The following HERC1 variants were observed in gnomAD, a reference collection of about 807,000 sequenced individuals.
The protein encoded by HERC1 is probable E3 ubiquitin-protein ligase HERC1.
In HERC1, 160 loss-of-function variants were observed where a neutral mutation model predicts 554.3. That is an observed-to-expected ratio of 0.29 (90% CI 0.25 to 0.33). The LOEUF is 0.33. Ranked by LOEUF, HERC1 falls within the 10% of genes least tolerant of loss-of-function variation. The pLI, the probability that HERC1 is intolerant of heterozygous loss-of-function variation, is 1.00. For missense variants in HERC1, 4,919 were observed against 5,918.5 expected (o/e 0.83, Z 5.54); for synonymous variants, 2,175 against 2,131.7 (o/e 1.02, Z -0.56).
At chr15:63,707,928 C>CAAAAAAAAAAAAA (rs71131176) in intron 24 of HERC1, among the ~76,000 whole-genome samples, 16 of 55,160 alleles carry the variant, frequency 2.9e-4, no homozygotes, top group African/African-American at 8.8e-4. Context: ...GACTCCCTCT[C>CAAAAAAAAAAAAA]AAAAAAAAAA....
Position 63,692,626 on chromosome 15 carries a change from C to T in HERC1, c.5675-60G>A. ...GAGCCAACAAGAAATAGTCTTATAT[C>T]ACATAATTTACCTTGAAACTGCAGT... On this transcript the variant is annotated intron_variant, in intron 30 of 77. Transcript: ENST00000443617. The surrounding 1 kb of genome is among the most constrained non-coding windows in gnomAD (Gnocchi z 4.7). 7.1e-7 allele frequency: 1 copy of T among 1,409,576 alleles called. No homozygotes were observed. Among genetic ancestry groups the T allele is most frequent in the Non-Finnish European group, 9.5e-7 (1 of 1,053,298 alleles). 87.3% of individuals were successfully genotyped at this position (1,409,576 alleles called of 1,614,324 possible). A position where few individuals can be genotyped will look rare whatever the true frequency, so the allele number is the denominator to read the frequency against.
chr15:63,622,496 CT>C (rs1212702125), intron 74 of HERC1, among the ~76,000 whole-genome samples: 1 of 152,028 alleles, frequency 6.6e-6, no homozygotes, highest in Non-Finnish European at 1.5e-5. Flanking sequence ...CCATGACCGG[CT>C]AATTTTTGCA....
chr15:63,729,277 T>G lies in HERC1; in HGVS notation c.3113A>C (p.Lys1038Thr), dbSNP rs61740450. 0.024 allele frequency: 38,061 copies of G among 1,607,928 alleles called. 537 individuals carry two copies. The highest frequency in any genetic ancestry group is 0.027 in the Non-Finnish European group (31,515 of 1,178,156). The change falls in exon 16 of 78, where the codon AAA (lysine) becomes ACA (threonine). Residue 1038 changes from lysine (K) to threonine (T), a missense_variant. Transcript: ENST00000443617. ...AACACTGCCATTCCAAGGACTTTCT[T>G]TGAGCAAATTTGCAGAACGTGAATA... ...DIYSRSANLL[K>T]ESPWNGSVGE... is the part of the protein sequence containing the mutation.
At position 63,659,844 on chromosome 15, in the gene HERC1, G is replaced by A. The variant is rs752851964; in HGVS notation, c.9316C>T (p.Arg3106Trp). The change falls in exon 47 of 78, where the codon CGG becomes TGG. Residue 3106 changes from arginine (R) to tryptophan (W), a missense_variant. Arg to Trp is a moderately radical substitution (Grantham distance 101). This residue lies in a region of HERC1 where 1,963 missense variants were observed against 2,228.6 expected (regional missense o/e 0.88). Transcript: ENST00000443617. Reference protein sequence around the residue: ...LLAGPLGLNDRRIVPEPVQFP... With the variant: ...LLAGPLGLNDWRIVPEPVQFP... ...TGAACTGGTTCTGGTACAATGCGCCGGTCATTTAAACCAAGCGGTCCAGCA... is the reference window on the plus strand; with the variant it reads ...TGAACTGGTTCTGGTACAATGCGCCAGTCATTTAAACCAAGCGGTCCAGCA... 24 of 1,613,638 alleles carry A rather than the reference G, an allele frequency of 1.5e-5. No homozygotes were observed. The highest frequency in any genetic ancestry group is 1.1e-4 in the South Asian group (10 of 91,062).
At chr15:63,742,180 T>C (rs747616073) in intron 12 of HERC1, among the ~76,000 whole-genome samples, 1 of 152,264 alleles carries the variant, frequency 6.6e-6, no homozygotes, top group Non-Finnish European at 1.5e-5. Context: ...TTTTGTTCCT[T>C]CAGTGTACAA....
Position 63,652,561 on chromosome 15 carries a change from T to C in HERC1, c.10291-20A>G. The stretch of plus-strand genomic sequence containing the variant: ...CATTACCTAGAAAAGTTGAAACAGG[T>C]AGTCTAATAATTTTCTATTCAAATG... On this transcript the variant is annotated intron_variant, in intron 51 of 77. Transcript: ENST00000443617. 1.9e-6 allele frequency: 3 copies of C among 1,540,822 alleles called. No homozygotes were observed. Among genetic ancestry groups the C allele is most frequent in the Non-Finnish European group, 2.6e-6 (3 of 1,134,668 alleles).
chr15:63,609,750 T>C (rs1374968132), intron 77 of HERC1, among the ~76,000 whole-genome samples: 1 of 152,190 alleles, frequency 6.6e-6, no homozygotes, highest in Non-Finnish European at 1.5e-5. Context: ...CTCATGTGCA[T>C]TCTGCCTCCT....
At chr15:63,783,299 G>A (rs2076339849) in intron 1 of HERC1, among the ~76,000 whole-genome samples, 1 of 151,974 alleles carries the variant, frequency 6.6e-6, no homozygotes, top group African/African-American at 2.4e-5. Context: ...CAACCTTTCA[G>A]CAACCCCCAT....
Position 63,727,657 on chromosome 15 carries a change from C to A in HERC1, c.3336G>T (p.Trp1112Cys), listed in dbSNP as rs780511814. Residue 1112 changes from tryptophan (W) to cysteine (C), a missense_variant, in exon 17 of 78, where the codon TGG becomes TGT. This residue lies in a region of HERC1 where 1,121 missense variants were observed against 1,244.0 expected (regional missense o/e 0.90). Coordinates refer to ENST00000443617, the MANE Select transcript of HERC1 (RefSeq NM_003922.4). The surrounding 1 kb of genome is among the most constrained non-coding windows in gnomAD (Gnocchi z 4.3). Reference protein sequence around the residue: ...ADLLEDQELQWPLHGGPELID... With the variant: ...ADLLEDQELQCPLHGGPELID... ...ATTGTCTTTACTTACCATGAAGAGG[C>A]CACTGTAACTCCTGGTCTTCTAAAA... The A allele has an allele frequency of 1.9e-5, 31 of 1,610,240 alleles. No individual in the cohort carries two copies. The highest frequency in any genetic ancestry group is 2.6e-5 in the Non-Finnish European group (31 of 1,178,028).
intron 74 of HERC1, among the ~76,000 whole-genome samples, chr15:63,617,795 C>T (rs2067889457): frequency 6.6e-6 from 1 of 152,198 alleles, no homozygotes; most frequent in African/African-American, 2.4e-5. Context: ...CTTTTGGCTG[C>T]ATAAATGTCT....
At position 63,727,887 on chromosome 15, in the gene HERC1, T is replaced by TC; in HGVS notation, c.3155-50_3155-49insG. On this transcript the variant is annotated intron_variant, in intron 16 of 77. Coordinates refer to ENST00000443617, the MANE Select transcript of HERC1 (RefSeq NM_003922.4). The surrounding 1 kb of genome is among the most constrained non-coding windows in gnomAD (Gnocchi z 4.3). ...ATGGGACAATTGCTTCAAATGAACTTTAAAAAAAGGAACCTAATAAATATT... is the reference window on the plus strand; with the variant it reads ...ATGGGACAATTGCTTCAAATGAACTTCTAAAAAAAGGAACCTAATAAATATT... 1 of 1,455,294 alleles carries TC rather than the reference T, an allele frequency of 6.9e-7. No individual in the cohort carries two copies. The highest frequency in any genetic ancestry group is 1.8e-4 in the Middle Eastern group (1 of 5,532). The allele number at this position is 1,455,294 out of a possible 1,614,324, so 90.1% of individuals were successfully genotyped here.
chr15:63,681,722 G>A (rs2071490305), intron 34 of HERC1, among the ~76,000 whole-genome samples: 1 of 152,142 alleles, frequency 6.6e-6, no homozygotes, highest in African/African-American at 2.4e-5. Context: ...CAGGTTGAAG[G>A]TGTCTACGTG....
rs373780037 is a variant in HERC1, at chr15:63,666,121, T to C, written c.8353A>G (p.Ile2785Val). Reference sequence around the variant, plus strand: ...ATCATCCACATGGCAAGGACAGTGATATTCTGGGCATCAGCCTCTCCCCTA... The same window carrying C: ...ATCATCCACATGGCAAGGACAGTGACATTCTGGGCATCAGCCTCTCCCCTA... ...GARGEADAQN[I>V]TVLAMWMIEH... Residue 2785 changes from isoleucine to valine, a missense_variant, in exon 42 of 78, where the codon ATC becomes GTC. By Grantham distance (29) the Ile-to-Val change is conservative. Coordinates refer to ENST00000443617, the MANE Select transcript of HERC1 (RefSeq NM_003922.4). 6.2e-7 allele frequency: 1 copy of C among 1,613,624 alleles called. No homozygotes were observed. The highest frequency in any genetic ancestry group is 8.5e-7 in the Non-Finnish European group (1 of 1,179,746).
intron 2 of HERC1, among the ~76,000 whole-genome samples, chr15:63,773,147 G>C (rs1451178273): frequency 6.6e-6 from 1 of 152,106 alleles, no homozygotes; most frequent in Non-Finnish European, 1.5e-5. Context: ...ATACCGAAAA[G>C]ACTAATCAAT....
In HERC1 at chr15:63,723,290, A is replaced by T; in HGVS notation, c.3634T>A (p.Tyr1212Asn). The change falls in exon 19 of 78, where the codon TAT becomes AAT. Residue 1212 changes from tyrosine (Y) to asparagine (N), a missense_variant. Coordinates refer to ENST00000443617, the MANE Select transcript of HERC1 (RefSeq NM_003922.4). ...SGNEEQKPFD[Y>N]KLRPEIAVYV... is the part of the protein sequence containing the mutation. Reference sequence around the variant, plus strand: ...ACAGCAATTTCAGGCCGCAATTTATAATCAAAAGGCTTCTGTTCTTCATTT... The same window carrying T: ...ACAGCAATTTCAGGCCGCAATTTATTATCAAAAGGCTTCTGTTCTTCATTT... 1 of 1,597,664 alleles carries T rather than the reference A, an allele frequency of 6.3e-7. No homozygotes were observed. Among genetic ancestry groups the T allele is most frequent in the Non-Finnish European group, 8.5e-7 (1 of 1,171,046 alleles).
At chr15:63,719,006 C>A in intron 19 of HERC1, 109 bp from the exon 20 acceptor site, 2 of 708,250 alleles carry the variant, frequency 2.8e-6, no homozygotes, top group South Asian at 4.0e-5. Flanking sequence ...TCTTTCTAAA[C>A]TGTTACTTAA....
chr15:63,623,707 G>T lies in HERC1; in HGVS notation c.13611+18C>A, dbSNP rs747196454. 3.1e-6 allele frequency: 5 copies of T among 1,612,018 alleles called. No individual in the cohort carries two copies. The South Asian group carries it at 3.3e-5, about 11-fold the overall frequency. On this transcript the variant is annotated intron_variant, in intron 73 of 77. Transcript: ENST00000443617. ...TAGCAGACTAGATAACTCAGCAGGG[G>T]ACACTGCAGGAATATACCTGGCACA...
At chr15:63,651,814 G>C (rs960630987) in intron 52 of HERC1, among the ~76,000 whole-genome samples, 2 of 152,176 alleles carry the variant, frequency 1.3e-5, no homozygotes, top group Non-Finnish European at 2.9e-5. Context: ...GGGGCAGGCA[G>C]ATCAGAAGGT....
chr15:63,744,902 C>T (rs560575175), intron 12 of HERC1, among the ~76,000 whole-genome samples: 3 of 152,182 alleles, frequency 2.0e-5, no homozygotes, highest in Non-Finnish European at 4.4e-5. Flanking sequence ...ACCCAAAGCC[C>T]TTGACATAGC....
Sources: gnomAD v4.1 joint callset for allele counts (sites outside exome capture counted in the v4.1 genomes callset) on GRCh38, gnomAD v4.1.1 for gene constraint, gnomAD v4.1.1 regional missense constraint, Gnocchi (gnomAD v3.1) non-coding constraint, MANE v1.5 for transcripts, NCBI Gene and HGNC (gene_info 2026-07-23, HGNC 2026-07-21) for gene names.